Variants in NLRP13 observed in about 807,000 individuals in gnomAD.
NLRP13 encodes the protein NLR family pyrin domain containing 13, also known as NACHT, LRR and PYD domains-containing protein 13.
In NLRP13, 82 loss-of-function variants were observed where a neutral mutation model predicts 94.4. That is an observed-to-expected ratio of 0.87 (90% CI 0.73 to 1.04). NLRP13 has a LOEUF of 1.04. Among genes scored for constraint, NLRP13 ranks in the 50% least tolerant of loss-of-function variants. The pLI is 0.00. For missense variants in NLRP13, 1,426 were observed against 1,230.8 expected (o/e 1.16, Z -2.37); for synonymous variants, 553 against 464.7 (o/e 1.19, Z -2.45).
At chr19:55,916,394 A>G (rs1986674996) in intron 4 of NLRP13, among the ~76,000 whole-genome samples, 1 of 152,252 alleles carries the variant, frequency 6.6e-6, no homozygotes, top group Admixed American at 6.5e-5. Context: ...TAAAAATGCC[A>G]GATAAATAAT....
At position 55,898,470 on chromosome 19, in the gene NLRP13, C is replaced by T. The variant is rs145961052; in HGVS notation, c.2957+300G>A. Among the ~76,000 whole-genome samples the T allele has an allele frequency of 8.7e-3, 1,326 of 151,896 alleles. 16 individuals are homozygous for T. The highest frequency in any genetic ancestry group is 0.03 in the African/African-American group (1,249 of 41,408). On this transcript the variant is annotated intron_variant, in intron 10 of 10. Coordinates refer to ENST00000342929, the MANE Select transcript of NLRP13 (RefSeq NM_176810.2). ...GGTGATCCGCCCACCTCGACCTCCC[C>T]AAATGCTGGGATTACAGGTGTGAGC...
chr19:55,909,972 C>G (rs1473835030), intron 6 of NLRP13, among the ~76,000 whole-genome samples: 1 of 152,170 alleles, frequency 6.6e-6, no homozygotes, highest in Non-Finnish European at 1.5e-5. Flanking sequence ...CCACCTTCCT[C>G]CTCATACATC....
At position 55,932,003 on chromosome 19, in the gene NLRP13, G is replaced by A. The variant is rs146785585; in HGVS notation, c.309C>T (p.Ala103=). The A allele has an allele frequency of 5.3e-5, 86 of 1,613,034 alleles. No individual in the cohort carries two copies. Among genetic ancestry groups the A allele is most frequent in the Admixed American group, 6.7e-5 (4 of 59,984 alleles). Residue 103 remains alanine (A), a synonymous_variant, in exon 1 of 11, where the codon GCC becomes GCT. Transcript: ENST00000342929. ...CTTGAGGACTCTCACCTTTCATCTC[G>A]GCTCTAACTTTCTCACACAGTGAGG... ...NLTSLCEKVR[A]EMKENVQTQE...
chr19:55,913,088 G>A lies in NLRP13; in HGVS notation c.729C>T (p.Thr243=), dbSNP rs1278361659. Residue 243 remains threonine, a synonymous_variant, in exon 5 of 11, where the codon ACC becomes ACT. Coordinates refer to ENST00000342929, the MANE Select transcript of NLRP13 (RefSeq NM_176810.2). ...LVGRAGVGKT[T]LAMQAMLHWA... is the part of the protein sequence containing the mutation. ...AGTGCAGCATAGCCTGCATTGCCAAGGTGGTCTTCCCAACCCCTGCCCTCC... is the reference window on the plus strand; with the variant it reads ...AGTGCAGCATAGCCTGCATTGCCAAAGTGGTCTTCCCAACCCCTGCCCTCC... 3 of 1,614,052 alleles carry A rather than the reference G, an allele frequency of 1.9e-6. No homozygotes were observed. Among genetic ancestry groups the A allele is most frequent in the African/African-American group, 2.7e-5 (2 of 74,912 alleles).
At chr19:55,908,653 T>C (rs1196567426) in intron 6 of NLRP13, among the ~76,000 whole-genome samples, 1 of 152,200 alleles carries the variant, frequency 6.6e-6, no homozygotes, top group African/African-American at 2.4e-5. Context: ...GCCATCATCC[T>C]TAGGAAGCTA....
In NLRP13 at chr19:55,898,954, T is replaced by A. The variant is rs759180114; in HGVS notation, c.2790-17A>T. 1 of 1,604,416 alleles carries A rather than the reference T, an allele frequency of 6.2e-7. No individual in the cohort carries two copies. Among genetic ancestry groups the A allele is most frequent in the Non-Finnish European group, 8.5e-7 (1 of 1,176,432 alleles). On this transcript the variant is annotated splice_polypyrimidine_tract_variant and intron_variant, in intron 9 of 10. Transcript: ENST00000342929. ...CCTGACAAACTGCAAAATAAAAACA[T>A]ACAAAAGGGGGGAAAGTAATTGCGT... is the stretch of plus-strand genomic sequence containing the variant.
At chr19:55,925,088 C>T (rs1439109131) in intron 1 of NLRP13, 53 bp from the exon 2 acceptor site, 1 of 1,510,010 alleles carries the variant, frequency 6.6e-7, no homozygotes, top group East Asian at 2.3e-5. Context: ...GAAAATGGAC[C>T]AGCAATAATG....
chr19:55,907,064 G>T (rs4324247), intron 7 of NLRP13, among the ~76,000 whole-genome samples: 111,715 of 151,966 alleles, frequency 0.74, 41,465 homozygotes, highest in African/African-American at 0.83. Flanking sequence ...GTTCAAGCGA[G>T]TCTCCTGCCT....
downstream of NLRP13, chr19:55,892,041 G>A (rs927103537): frequency 2.9e-5 from 34 of 1,163,618 alleles, no homozygotes; most frequent in Admixed American, 8.5e-5. Flanking sequence ...AAAATCCCAC[G>A]CACACTTGAG....
intron 1 of NLRP13, among the ~76,000 whole-genome samples, chr19:55,926,432 A>G (rs1016334744): frequency 3.3e-5 from 5 of 152,226 alleles, no homozygotes; most frequent in Non-Finnish European, 4.4e-5. Context: ...TGGAAGTTCC[A>G]CTGGTCACTC....
intron 4 of NLRP13, among the ~76,000 whole-genome samples, chr19:55,913,773 G>A (rs995603332): frequency 1.3e-5 from 2 of 151,974 alleles, no homozygotes; most frequent in African/African-American, 2.4e-5. Flanking sequence ...TCAGGCGGGG[G>A]GAAGGCCAAG....
intron 4 of NLRP13, among the ~76,000 whole-genome samples, chr19:55,914,258 G>A (rs897335141): frequency 7.2e-5 from 11 of 152,144 alleles, no homozygotes; most frequent in Admixed American, 1.3e-4. Flanking sequence ...GGCCTTCTGG[G>A]GCCTACTACG....
intron 4 of NLRP13, among the ~76,000 whole-genome samples, chr19:55,915,502 G>A (rs940591276): frequency 2.0e-5 from 3 of 152,116 alleles, no homozygotes; most frequent in African/African-American, 7.2e-5. Context: ...GGAGGCTGAG[G>A]CAGGAGAATC....
At chr19:55,892,534 G>T (rs529994209), downstream of NLRP13, among the ~76,000 whole-genome samples, 53 of 152,224 alleles carry the variant, frequency 3.5e-4, no homozygotes, top group African/African-American at 1.2e-3. Flanking sequence ...CGATTCTCCT[G>T]CCTTAGGCTC....
At chr19:55,916,224 C>A (rs1455878896) in intron 4 of NLRP13, among the ~76,000 whole-genome samples, 1 of 152,168 alleles carries the variant, frequency 6.6e-6, no homozygotes, top group African/African-American at 2.4e-5. Context: ...AAAAAATAGT[C>A]CCATCTAAAC....
At chr19:55,906,966 A>T (rs1172374272) in intron 7 of NLRP13, among the ~76,000 whole-genome samples, 4 of 150,872 alleles carry the variant, frequency 2.7e-5, no homozygotes, top group Admixed American at 6.6e-5. Context: ...CTGTATTATT[A>T]TTTTTTTTTT....
At chr19:55,927,758 G>A (rs1186287384) in intron 1 of NLRP13, among the ~76,000 whole-genome samples, 3 of 152,292 alleles carry the variant, frequency 2.0e-5, no homozygotes, top group South Asian at 2.1e-4. Flanking sequence ...GAAATGTAGA[G>A]GTTGGAACAG....
intron 8 of NLRP13, 61 bp from the exon 9 acceptor site, chr19:55,902,266 G>C: frequency 7.1e-7 from 1 of 1,415,454 alleles, no homozygotes. Context: ...CAGGCTCCTG[G>C]AACAGAGCCT....
chr19:55,908,954 G>A (rs1415505699), intron 6 of NLRP13, among the ~76,000 whole-genome samples: 1 of 152,178 alleles, frequency 6.6e-6, no homozygotes, highest in Non-Finnish European at 1.5e-5. Context: ...CCCTCTGCCT[G>A]CCTCTCATGA....
Sources: gnomAD v4.1 joint callset for allele counts (sites outside exome capture counted in the v4.1 genomes callset) on GRCh38, gnomAD v4.1.1 for gene constraint, MANE v1.5 for transcripts, NCBI Gene and HGNC (gene_info 2026-07-23, HGNC 2026-07-21) for gene names.